The following GSE1 variants were observed in gnomAD, a reference collection of about 807,000 sequenced individuals.
GSE1 encodes the protein Gse1 coiled-coil protein, also known as genetic suppressor element 1.
In GSE1, 32 loss-of-function variants were observed where a neutral mutation model predicts 112.6. The observed-to-expected ratio is 0.28, with a 90% CI of 0.21 to 0.38. GSE1 has a LOEUF of 0.38. GSE1 is among the 10% of genes least tolerant of loss of function. The pLI, the probability that GSE1 is intolerant of heterozygous loss-of-function variation, is 1.00. For missense variants in GSE1, 2,348 were observed against 1,699.2 expected (o/e 1.38, Z -6.71); for synonymous variants, 1,115 against 735.6 (o/e 1.52, Z -8.35).
Position 85,228,203 on chromosome 16 carries a change from G to A in GSE1, c.2283+56396G>A, listed in dbSNP as rs560402851. Reference sequence around the variant, plus strand: ...CCGGAGGAGCCCTGTCACTTGGCTCGCAGTGAAACATGAGTCAAGTCTGGG... The same window carrying A: ...CCGGAGGAGCCCTGTCACTTGGCTCACAGTGAAACATGAGTCAAGTCTGGG... On this transcript the variant is annotated intron_variant, in intron 1 of 2. Transcript: ENST00000637419. Among the ~76,000 whole-genome samples the A allele has an allele frequency of 3.5e-4, 54 of 152,376 alleles. No homozygotes were observed. In the South Asian group the frequency reaches 0.011, roughly 30 times the overall value.
intron 1 of GSE1, among the ~76,000 whole-genome samples, chr16:85,190,987 T>C (rs374298074): frequency 4.4e-4 from 67 of 152,200 alleles, no homozygotes; most frequent in African/African-American, 1.5e-3. Context: ...AATTACAGAG[T>C]CTTGCTCATG....
chr16:85,222,065 C>T (rs537848575), intron 1 of GSE1, among the ~76,000 whole-genome samples: 16 of 152,246 alleles, frequency 1.1e-4, no homozygotes, highest in African/African-American at 3.6e-4. Flanking sequence ...AGGCCCAGGG[C>T]CTGGGGAAGG....
At chr16:85,171,438 G>A in exon 1 of GSE1, 1 of 985,522 alleles carries the variant, frequency 1.0e-6, no homozygotes, top group Non-Finnish European at 1.2e-6. Context: ...CCAGGCCTGT[G>A]GACTCCACCG....
At chr16:85,619,555 C>T (rs1004107804) in intron 1 of GSE1, among the ~76,000 whole-genome samples, 2 of 152,218 alleles carry the variant, frequency 1.3e-5, no homozygotes, top group Non-Finnish European at 2.9e-5. Context: ...GGACGGCAGG[C>T]GCTCTTACGT....
intron 1 of GSE1, among the ~76,000 whole-genome samples, chr16:85,172,101 T>C (rs954410792): frequency 6.6e-6 from 1 of 152,140 alleles, no homozygotes; most frequent in Non-Finnish European, 1.5e-5. Flanking sequence ...AACTTGGGTG[T>C]GTTTGCAGTG....
chr16:85,515,249 C>T lies in GSE1; in HGVS notation c.2465-118665C>T, dbSNP rs557390549. 2.0e-5 allele frequency among the ~76,000 whole-genome samples: 3 copies of T among 152,336 alleles called. No homozygotes were observed. In the South Asian group the frequency reaches 6.2e-4, roughly 32 times the overall value. On this transcript the variant is annotated intron_variant, in intron 2 of 2. Coordinates refer to the GSE1 transcript ENST00000637419. ...ACCCGCCTCACCTCTGCCCCCATCC[C>T]CGTCCTCAGGGTCCTGCACTCCAGC...
At chr16:85,240,950 A>G (rs1172140448) in intron 1 of GSE1, among the ~76,000 whole-genome samples, 3 of 152,150 alleles carry the variant, frequency 2.0e-5, no homozygotes, top group Non-Finnish European at 4.4e-5. Flanking sequence ...GCTCCCTCCT[A>G]GAAAAAATGC....
chr16:85,493,491 C>A (rs1171151198), intron 2 of GSE1, among the ~76,000 whole-genome samples: 1 of 152,070 alleles, frequency 6.6e-6, no homozygotes, highest in African/African-American at 2.4e-5. Context: ...CAGTGGCTCA[C>A]ACCTGTAATC....
At chr16:85,617,592 ACCCTCC>A (rs1311875547) in intron 1 of GSE1, among the ~76,000 whole-genome samples, 19 of 80,060 alleles carry the variant, frequency 2.4e-4, no homozygotes, top group African/African-American at 7.7e-4. Flanking sequence ...CCGTGTGTCA[ACCCTCC>A]CCCCCCCCCC....
chr16:85,374,857 T>A (rs1184833947), intron 2 of GSE1, among the ~76,000 whole-genome samples: 1 of 152,060 alleles, frequency 6.6e-6, no homozygotes, highest in Non-Finnish European at 1.5e-5. Flanking sequence ...TGAAGACAAA[T>A]GAGGGACGAA....
At chr16:85,568,342 A>G (rs1007333407) in intron 1 of GSE1, among the ~76,000 whole-genome samples, 2 of 152,172 alleles carry the variant, frequency 1.3e-5, no homozygotes, top group Non-Finnish European at 2.9e-5. Context: ...GCGGCCCCCA[A>G]TTTCAGGTTC....
In GSE1 at chr16:85,671,439, C is replaced by CAAAAAA. The variant is rs1159665909; in HGVS notation, c.3519+354_3519+359dup. Among the ~76,000 whole-genome samples the CAAAAAA allele has an allele frequency of 2.5e-3, 151 of 61,300 alleles. 10 individuals are homozygous for CAAAAAA. The highest frequency in any genetic ancestry group is 9.8e-3 in the South Asian group (11 of 1,122). 40.2% of individuals were successfully genotyped at this position (61,300 alleles called of 152,430 possible). On this transcript the variant is annotated intron_variant, in intron 15 of 15. Transcript: ENST00000253458. The stretch of plus-strand genomic sequence containing the variant: ...TGGGCGACAGAGCGAGACTCCGTCT[C>CAAAAAA]AAAAAAAAAAAAAAAAAAGATCAAA...
At chr16:85,215,422 G>A (rs1025968013) in intron 1 of GSE1, among the ~76,000 whole-genome samples, 5 of 152,108 alleles carry the variant, frequency 3.3e-5, no homozygotes, top group African/African-American at 1.2e-4. Flanking sequence ...TTGTGGGGGG[G>A]CCAGGGATAA....
chr16:85,648,368 G>A (rs1598567654), intron 2 of GSE1, among the ~76,000 whole-genome samples, 184 bp from the exon 3 acceptor site: 2 of 152,022 alleles, frequency 1.3e-5, no homozygotes, highest in Non-Finnish European at 1.5e-5. Flanking sequence ...CTGCTGACCC[G>A]ATCGGGCCTC....
At chr16:85,395,360 G>A (rs2047941346) in intron 2 of GSE1, among the ~76,000 whole-genome samples, 1 of 152,196 alleles carries the variant, frequency 6.6e-6, no homozygotes, top group South Asian at 2.1e-4. Flanking sequence ...GCGCCCTGCT[G>A]TGTGCCAGGC....
At chr16:85,665,449 C>G (rs1302853093) in intron 12 of GSE1, among the ~76,000 whole-genome samples, 2 of 152,302 alleles carry the variant, frequency 1.3e-5, no homozygotes, top group African/African-American at 2.4e-5. Context: ...TGGTACCATC[C>G]CAGGAGGGAG....
At chr16:85,188,648 A>G (rs953674116) in intron 1 of GSE1, among the ~76,000 whole-genome samples, 3 of 151,892 alleles carry the variant, frequency 2.0e-5, no homozygotes, top group African/African-American at 7.3e-5. Context: ...CAAAAAAATT[A>G]AAAATTAGCC....
chr16:85,260,260 A>G (rs1907532129), intron 1 of GSE1, among the ~76,000 whole-genome samples: 1 of 148,252 alleles, frequency 6.7e-6, no homozygotes, highest in Non-Finnish European at 1.5e-5. Flanking sequence ...AATTTCAGTG[A>G]CCTTGACTCT....
chr16:85,671,377 T>G (rs1044354199), intron 15 of GSE1, among the ~76,000 whole-genome samples: 1 of 139,582 alleles, frequency 7.2e-6, no homozygotes, highest in Non-Finnish European at 1.5e-5. Context: ...GAGGCGGAGC[T>G]TGCAGTGAGC....
Sources: allele counts gnomAD v4.1 joint callset (sites outside exome capture counted in the v4.1 genomes callset), GRCh38; gene constraint gnomAD v4.1.1; transcripts MANE v1.5; gene names NCBI Gene and HGNC (gene_info 2026-07-23, HGNC 2026-07-21).